LTBP1: variants seen among roughly 807,000 people sequenced by gnomAD.
LTBP1 encodes latent-transforming growth factor beta-binding protein 1.
A neutral mutation model predicts 207.6 loss-of-function variants in LTBP1; 129 were observed. That is an observed-to-expected ratio of 0.62 (90% CI 0.54 to 0.72). The LOEUF (loss-of-function observed/expected upper bound fraction) is 0.72, where lower values mean the gene tolerates loss of function less well. Among genes scored for constraint, LTBP1 ranks in the 30% least tolerant of loss-of-function variants. The probability of loss-of-function intolerance (pLI) is 0.00; values close to 1 mark genes in which losing one functional copy is unlikely to be tolerated. For synonymous variants in LTBP1, 963 were observed against 833.7 expected (o/e 1.16, Z -2.67); for missense variants, 2,281 against 2,217.2 (o/e 1.03, Z -0.58).
intron 5 of LTBP1, among the ~76,000 whole-genome samples, chr2:33,135,896 G>A (rs544075551): frequency 9.2e-5 from 14 of 152,170 alleles, no homozygotes; most frequent in Non-Finnish European, 1.9e-4. Flanking sequence ...CCAAATGTCA[G>A]ACAGATAATA....
intron 19 of LTBP1, chr2:33,291,392 T>C (rs2093771971): frequency 6.6e-6 from 1 of 152,236 alleles, no homozygotes; most frequent in South Asian, 2.1e-4. Flanking sequence ...TTTCTGAGCT[T>C]GTTAACATTT....
chr2:33,213,217 A>G (rs545111265), intron 7 of LTBP1, among the ~76,000 whole-genome samples: 2 of 152,244 alleles, frequency 1.3e-5, no homozygotes, highest in South Asian at 4.1e-4. Context: ...GTTTGACCCA[A>G]TAGGATTTTT....
rs2095381088 is a variant in LTBP1, at chr2:33,398,600, G to C, written c.*55G>C. The C allele has an allele frequency of 6.7e-7, 1 of 1,501,346 alleles. No individual in the cohort carries two copies. Among genetic ancestry groups the C allele is most frequent in the East Asian group, 2.4e-5 (1 of 42,024 alleles). 93.0% of individuals were successfully genotyped at this position (1,501,346 alleles called of 1,614,324 possible). A position where few individuals can be genotyped will look rare whatever the true frequency, so the allele number is the denominator to read the frequency against. On this transcript the variant is annotated 3_prime_UTR_variant, in exon 34 of 34. Transcript: ENST00000404816. The stretch of plus-strand genomic sequence containing the variant: ...ACTCTGCACTGTGTAAAGGAAAAGG[G>C]AGAAATGTATTATACTTGAGACATT...
intron 24 of LTBP1, among the ~76,000 whole-genome samples, chr2:33,339,953 T>C (rs1052686578): frequency 6.6e-6 from 1 of 152,056 alleles, no homozygotes; most frequent in Non-Finnish European, 1.5e-5. Context: ...CTTCATTGAT[T>C]TTTTAATTCA....
chr2:33,040,059 G>A lies in LTBP1; in HGVS notation c.863+18853G>A, dbSNP rs184765433. On this transcript the variant is annotated intron_variant, in intron 3 of 33. Coordinates refer to ENST00000404816, the MANE Select transcript of LTBP1 (RefSeq NM_206943.4). ...ATCTGGGAGTGGTTGGGGAAGGCTA[G>A]GTAGAGTAGGGCATGGAGGCCCATA... is the stretch of plus-strand genomic sequence containing the variant. Among the ~76,000 whole-genome samples the A allele has an allele frequency of 2.5e-4, 38 of 152,270 alleles. 1 individual carries two copies. In the East Asian group the frequency reaches 6.8e-3, roughly 27 times the overall value.
intron 5 of LTBP1, among the ~76,000 whole-genome samples, chr2:33,169,917 A>G (rs2085265100): frequency 6.6e-6 from 1 of 152,232 alleles, no homozygotes; most frequent in Non-Finnish European, 1.5e-5. Context: ...CAAAATCAGC[A>G]TTGTGGTAAT....
At chr2:33,048,186 G>A (rs2076541686) in intron 3 of LTBP1, among the ~76,000 whole-genome samples, 1 of 152,180 alleles carries the variant, frequency 6.6e-6, no homozygotes, top group Non-Finnish European at 1.5e-5. Context: ...AAGCAGAGGA[G>A]GATTTCAGGC....
intron 2 of LTBP1, among the ~76,000 whole-genome samples, chr2:32,983,359 A>G (rs1384050909): frequency 6.6e-6 from 1 of 152,154 alleles, no homozygotes; most frequent in East Asian, 1.9e-4. Flanking sequence ...TTGTGATTTT[A>G]CAGGCTCATA....
chr2:32,975,324 T>A (rs564074037), intron 2 of LTBP1, among the ~76,000 whole-genome samples: 1 of 152,226 alleles, frequency 6.6e-6, no homozygotes, highest in South Asian at 2.1e-4. Context: ...TATTTTATGT[T>A]GATCTGGGTG....
rs1290600829 is a variant in LTBP1 at position 32,947,834 on chromosome 2, C to T, written c.494+16C>T. 3.1e-6 allele frequency: 4 copies of T among 1,296,430 alleles called. No homozygotes were observed. Among genetic ancestry groups the T allele is most frequent in the Non-Finnish European group, 3.0e-6 (3 of 1,015,536 alleles). The allele number at this position is 1,296,430 out of a possible 1,614,324, so 80.3% of individuals were successfully genotyped here. On this transcript the variant is annotated intron_variant, in intron 1 of 33. Transcript: ENST00000404816. ...AGCTGCAGGGGTAAGCCCACACCCC[C>T]TTCCGCCCGCCCGCCCGCCTCGCGC... is the stretch of plus-strand genomic sequence containing the variant.
At chr2:33,318,312 G>A (rs1209836415) in intron 24 of LTBP1, among the ~76,000 whole-genome samples, 3 of 152,146 alleles carry the variant, frequency 2.0e-5, no homozygotes, top group African/African-American at 7.2e-5. Flanking sequence ...AAGTGAAGTG[G>A]GAAGTAGGTG....
chr2:33,094,194 C>T (rs1248549427), intron 3 of LTBP1, among the ~76,000 whole-genome samples: 1 of 152,104 alleles, frequency 6.6e-6, no homozygotes, highest in Non-Finnish European at 1.5e-5. Flanking sequence ...ATCTCTTCTT[C>T]AATGACATAA....
Position 33,397,253 on chromosome 2 carries a change from A to T in LTBP1, c.4955A>T (p.His1652Leu), listed in dbSNP as rs2095367031. 1.2e-6 allele frequency: 2 copies of T among 1,614,006 alleles called. No individual in the cohort carries two copies. Among genetic ancestry groups the T allele is most frequent in the Admixed American group, 3.3e-5 (2 of 60,002 alleles). The change falls in exon 33 of 34, where the codon CAC becomes CTC. Residue 1652 changes from histidine (H) to leucine (L), a missense_variant. Coordinates refer to ENST00000404816, the MANE Select transcript of LTBP1 (RefSeq NM_206943.4). ...ACCTGCGATTGCTTTGATGGGTATC[A>T]CTTGGATACGGCCAAGATGACCTGT... ...GYTCDCFDGY[H>L]LDTAKMTCVD...
intron 2 of LTBP1, among the ~76,000 whole-genome samples, chr2:32,967,763 G>A (rs1158192134): frequency 3.9e-5 from 6 of 152,128 alleles, no homozygotes; most frequent in Non-Finnish European, 7.3e-5. Flanking sequence ...AATGTGCTAC[G>A]TAATCATGAG....
intron 3 of LTBP1, among the ~76,000 whole-genome samples, chr2:33,048,690 G>A (rs191937795): frequency 9.2e-4 from 140 of 152,288 alleles, no homozygotes; most frequent in African/African-American, 2.9e-3. Context: ...ACATTTCGAG[G>A]GAAGCGTGTG....
chr2:33,073,537 T>A (rs2077912061), intron 3 of LTBP1, among the ~76,000 whole-genome samples: 1 of 152,228 alleles, frequency 6.6e-6, no homozygotes, highest in Non-Finnish European at 1.5e-5. Context: ...TAGTTTTTCT[T>A]TCTTCTTCCC....
At chr2:33,062,353 T>C (rs193095197) in intron 3 of LTBP1, among the ~76,000 whole-genome samples, 8 of 152,316 alleles carry the variant, frequency 5.3e-5, no homozygotes, top group African/African-American at 1.7e-4. Flanking sequence ...TGTGTGTCGC[T>C]CAATAAATCT....
At chr2:33,198,391 A>T (rs996842038) in intron 7 of LTBP1, among the ~76,000 whole-genome samples, 6 of 152,320 alleles carry the variant, frequency 3.9e-5, no homozygotes, top group Admixed American at 1.3e-4. Context: ...TGGCTTTGGT[A>T]TCAGGATGAT....
Position 33,280,522 on chromosome 2 carries a change from A to G in LTBP1, c.3112+364A>G, listed in dbSNP as rs76439796. On this transcript the variant is annotated intron_variant, in intron 19 of 33. Coordinates refer to ENST00000404816, the MANE Select transcript of LTBP1 (RefSeq NM_206943.4). Reference sequence around the variant, plus strand: ...AGACAAGTAGAATTAGGTAACACACACACACAAATTTTCAACAGAAGTATC... The same window carrying G: ...AGACAAGTAGAATTAGGTAACACACGCACACAAATTTTCAACAGAAGTATC... Among the ~76,000 whole-genome samples the G allele has an allele frequency of 7.5e-3, 1,149 of 152,324 alleles. 8 individuals are homozygous for G. The highest frequency in any genetic ancestry group is 0.025 in the African/African-American group (1,024 of 41,572).
Sources: allele counts gnomAD v4.1 joint callset (sites outside exome capture counted in the v4.1 genomes callset), GRCh38; gene constraint gnomAD v4.1.1; transcripts MANE v1.5; gene names NCBI Gene and HGNC (gene_info 2026-07-23, HGNC 2026-07-21).